CRISPLD1: variants seen among roughly 807,000 people sequenced by gnomAD.
CRISPLD1 encodes cysteine rich secretory protein LCCL domain containing 1.
A neutral mutation model predicts 77.5 loss-of-function variants in CRISPLD1; 60 were observed. The observed-to-expected ratio is 0.77, with a 90% CI of 0.63 to 0.96. The LOEUF (loss-of-function observed/expected upper bound fraction) is 0.96. Ranked by LOEUF, CRISPLD1 falls within the 40% of genes least tolerant of loss-of-function variation. The pLI is 0.00. For synonymous variants in CRISPLD1, 195 were observed against 200.1 expected (o/e 0.97, Z 0.22); for missense variants, 623 against 615.8 (o/e 1.01, Z -0.12).
rs1813375230 is a variant in CRISPLD1, at chr8:75,032,815, T to C, written c.*573T>C. 1 of 151,896 alleles carries C rather than the reference T, an allele frequency of 6.6e-6. No individual in the cohort carries two copies. Among genetic ancestry groups the C allele is most frequent in the Non-Finnish European group, 1.5e-5 (1 of 67,820 alleles). The allele number at this position is 151,896 out of a possible 1,614,324, so 9.4% of individuals were successfully genotyped here. On this transcript the variant is annotated 3_prime_UTR_variant, in exon 15 of 15. Transcript: ENST00000262207. ...TCTTATTTTATATAAAATAATCCTT[T>C]AATATCCAAATGAATCTGTTAAAAT...
At chr8:74,987,045 T>G (rs1410697168) in intron 2 of CRISPLD1, among the ~76,000 whole-genome samples, 1 of 152,224 alleles carries the variant, frequency 6.6e-6, no homozygotes, top group East Asian at 1.9e-4. Context: ...TTATTGGTGA[T>G]GGCAAAACTT....
intron 2 of CRISPLD1, 29 bp downstream of exon 2, chr8:74,986,274 A>G (rs1812494619): frequency 1.3e-6 from 2 of 1,593,162 alleles, no homozygotes; most frequent in South Asian, 1.1e-5. Context: ...TGGTATGTAC[A>G]AAAGAAATGT....
intron 14 of CRISPLD1, 72 bp from the exon 15 acceptor site, chr8:75,032,119 G>C: frequency 9.5e-7 from 1 of 1,051,882 alleles, no homozygotes; most frequent in Admixed American, 2.1e-5. Flanking sequence ...TCATAAGAAA[G>C]CATGATTTGT....
intron 2 of CRISPLD1, among the ~76,000 whole-genome samples, chr8:75,002,902 C>T (rs908868059): frequency 1.3e-5 from 2 of 152,116 alleles, no homozygotes; most frequent in East Asian, 3.8e-4. Flanking sequence ...TAAATAAGGA[C>T]TTTTGAAAAC....
intron 2 of CRISPLD1, among the ~76,000 whole-genome samples, chr8:74,988,825 A>C (rs368676562): frequency 6.6e-6 from 1 of 152,196 alleles, no homozygotes; most frequent in African/African-American, 2.4e-5. Context: ...ACAGCGAGAC[A>C]CTGCCTTAAA....
In CRISPLD1 at chr8:74,997,640, G is replaced by A. The variant is rs762771672; in HGVS notation, c.258+11395G>A. ...AGGGTTGAATGCCTTAGACTGAGCC[G>A]CGGGGCATGCAGCTATATAGAGGTT... On this transcript the variant is annotated intron_variant, in intron 2 of 14. Transcript: ENST00000262207. Among the ~76,000 whole-genome samples, 20 of 152,122 alleles carry A rather than the reference G, an allele frequency of 1.3e-4. No individual in the cohort carries two copies. The South Asian group carries it at 1.7e-3, about 13-fold the overall frequency.
At position 75,023,009 on chromosome 8, in the gene CRISPLD1, G is replaced by T. The variant is rs189663797; in HGVS notation, c.1245-2537G>T. Among the ~76,000 whole-genome samples, 7 of 144,038 alleles carry T rather than the reference G, an allele frequency of 4.9e-5. No homozygotes were observed. In the East Asian group the frequency reaches 1.2e-3, roughly 25 times the overall value. 94.5% of individuals were successfully genotyped at this position (144,038 alleles called of 152,430 possible). On this transcript the variant is annotated intron_variant, in intron 12 of 14. Coordinates refer to ENST00000262207, the MANE Select transcript of CRISPLD1 (RefSeq NM_031461.6). ...TCTTTAAAATTTATTGAATGCTCAA[G>T]ATGTAAAAGTAGATATTAAAGTATG...
chr8:75,007,798 C>T (rs910221392), intron 2 of CRISPLD1, among the ~76,000 whole-genome samples: 5 of 151,414 alleles, frequency 3.3e-5, no homozygotes, highest in African/African-American at 1.2e-4. Flanking sequence ...CTTAGCCTCC[C>T]AGCTTGTTGG....
intron 13 of CRISPLD1, 35 bp downstream of exon 13, chr8:75,025,656 A>ATG: frequency 9.6e-7 from 1 of 1,044,662 alleles, no homozygotes; most frequent in Non-Finnish European, 1.5e-6. Context: ...GTCAACATTC[A>ATG]TGTATATATA....
At chr8:75,002,978 A>G (rs1812771281) in intron 2 of CRISPLD1, among the ~76,000 whole-genome samples, 2 of 152,198 alleles carry the variant, frequency 1.3e-5, no homozygotes, top group South Asian at 4.1e-4. Flanking sequence ...CTATAGTCAT[A>G]TTCCTGAGGA....
At chr8:75,013,133 T>C (rs889409701) in intron 4 of CRISPLD1, 111 bp downstream of exon 4, 50 of 782,340 alleles carry the variant, frequency 6.4e-5, no homozygotes, top group Non-Finnish European at 8.3e-5. Flanking sequence ...ATTAAAAAAA[T>C]TTATATGGAT....
intron 2 of CRISPLD1, among the ~76,000 whole-genome samples, chr8:74,994,624 A>AC (rs1812620218): frequency 6.6e-6 from 1 of 152,092 alleles, no homozygotes; most frequent in Non-Finnish European, 1.5e-5. Flanking sequence ...CTGTTTCCTC[A>AC]CCTAGTCTGC....
At chr8:75,014,756 G>A in intron 5 of CRISPLD1, 56 bp from the exon 6 acceptor site, 1 of 1,129,958 alleles carries the variant, frequency 8.8e-7, no homozygotes, top group Non-Finnish European at 1.3e-6. Flanking sequence ...GTTTCACAAT[G>A]TTTTATAAAT....
chr8:75,019,252 G>A (rs1216322972), intron 10 of CRISPLD1, among the ~76,000 whole-genome samples: 3 of 152,036 alleles, frequency 2.0e-5, no homozygotes, highest in Non-Finnish European at 4.4e-5. Context: ...TTCAGAGAGT[G>A]TACCATGTTA....
In CRISPLD1 at chr8:75,004,726, A is replaced by T. The variant is rs550171748; in HGVS notation, c.259-7707A>T. ...ATTTCAGAAGTGGTAGCATAGTAAG[A>T]ATTATATTTTAAAGCAGTATTTTTA... On this transcript the variant is annotated intron_variant, in intron 2 of 14. Coordinates refer to ENST00000262207, the MANE Select transcript of CRISPLD1 (RefSeq NM_031461.6). 1.3e-4 allele frequency among the ~76,000 whole-genome samples: 20 copies of T among 152,268 alleles called. No individual in the cohort carries two copies. The South Asian group carries it at 3.9e-3, about 30-fold the overall frequency.
At chr8:74,995,931 C>T (rs1205622668) in intron 2 of CRISPLD1, among the ~76,000 whole-genome samples, 1 of 151,792 alleles carries the variant, frequency 6.6e-6, no homozygotes, top group Non-Finnish European at 1.5e-5. Context: ...GGAATTTATA[C>T]ACCAAATTAT....
chr8:75,013,249 G>C (rs1252759929), intron 4 of CRISPLD1, among the ~76,000 whole-genome samples: 1 of 151,954 alleles, frequency 6.6e-6, no homozygotes, highest in Non-Finnish European at 1.5e-5. Context: ...CAGTGATTTT[G>C]CATATCAAAC....
chr8:75,003,649 A>G (rs1812782122), intron 2 of CRISPLD1, among the ~76,000 whole-genome samples: 1 of 152,192 alleles, frequency 6.6e-6, no homozygotes. Flanking sequence ...ATCAAGACTT[A>G]AAGATCAAGA....
intron 2 of CRISPLD1, among the ~76,000 whole-genome samples, chr8:75,012,118 C>T (rs971121046): frequency 1.3e-5 from 2 of 151,992 alleles, no homozygotes; most frequent in Admixed American, 1.3e-4. Flanking sequence ...AGTGGGACCC[C>T]GGACCTTGGA....
Sources: gnomAD v4.1 joint callset for allele counts (sites outside exome capture counted in the v4.1 genomes callset) on GRCh38, gnomAD v4.1.1 for gene constraint, MANE v1.5 for transcripts, NCBI Gene and HGNC (gene_info 2026-07-23, HGNC 2026-07-21) for gene names.